ZNRF1: variants seen among roughly 807,000 people sequenced by gnomAD.
ZNRF1 encodes zinc and ring finger 1, also known as E3 ubiquitin-protein ligase ZNRF1.
In ZNRF1, 3 loss-of-function variants were observed where a neutral mutation model predicts 18.4. That is an observed-to-expected ratio of 0.16 (90% CI 0.07 to 0.42). The LOEUF (loss-of-function observed/expected upper bound fraction) is 0.42, where lower values mean the gene tolerates loss of function less well. ZNRF1 is among the 10% of genes least tolerant of loss of function. ZNRF1 has a pLI of 0.99. For synonymous variants in ZNRF1, 157 were observed against 144.2 expected (o/e 1.09, Z -0.64); for missense variants, 310 against 329.8 (o/e 0.94, Z 0.47).
intron 1 of ZNRF1, among the ~76,000 whole-genome samples, chr16:75,050,527 ACAAT>A (rs1000460630): frequency 4.2e-4 from 63 of 151,444 alleles, no homozygotes; most frequent in African/African-American, 1.3e-3. Context: ...CCTTGTCTCA[ACAAT>A]CAATCAATCG....
At chr16:75,056,191 T>A (rs1472953632) in intron 1 of ZNRF1, among the ~76,000 whole-genome samples, 1 of 152,226 alleles carries the variant, frequency 6.6e-6, no homozygotes, top group Non-Finnish European at 1.5e-5. Context: ...AATTGGAATC[T>A]TCTTCTTAAG....
At chr16:75,106,814 G>C (rs972652672) in intron 4 of ZNRF1, 1 of 455,680 alleles carries the variant, frequency 2.2e-6, no homozygotes, top group Admixed American at 3.3e-5. Context: ...ATCAGTTGGG[G>C]AAGAGACCAG....
intron 1 of ZNRF1, among the ~76,000 whole-genome samples, chr16:75,022,361 A>G (rs914748702): frequency 4.6e-5 from 7 of 151,896 alleles, no homozygotes; most frequent in African/African-American, 1.5e-4. Context: ...CAGGAGATCG[A>G]GACCATCCTG....
At chr16:75,091,241 C>T (rs2036135293) in intron 1 of ZNRF1, among the ~76,000 whole-genome samples, 1 of 151,974 alleles carries the variant, frequency 6.6e-6, no homozygotes, top group Non-Finnish European at 1.5e-5. Flanking sequence ...CACCTGTAAT[C>T]CCAGCTACTC....
intron 1 of ZNRF1, among the ~76,000 whole-genome samples, chr16:75,085,532 T>C (rs1212233033): frequency 6.6e-6 from 1 of 152,224 alleles, no homozygotes; most frequent in Non-Finnish European, 1.5e-5. Context: ...TTGACATTTC[T>C]TTTGGGTAAA....
At chr16:75,014,078 G>A (rs555682337) in intron 1 of ZNRF1, among the ~76,000 whole-genome samples, 1 of 152,058 alleles carries the variant, frequency 6.6e-6, no homozygotes, top group Non-Finnish European at 1.5e-5. Flanking sequence ...TGATCCACCC[G>A]CCTTATCTTC....
At chr16:75,003,359 T>C (rs4888329) in intron 1 of ZNRF1, among the ~76,000 whole-genome samples, 9,083 of 152,328 alleles carry the variant, frequency 0.06, 481 homozygotes, top group Admixed American at 0.12. Flanking sequence ...AGCAGGACTG[T>C]GTTCCTTGAT....
Position 75,068,681 on chromosome 16 carries a change from G to C in ZNRF1, c.425-24891G>C, listed in dbSNP as rs542383509. ...ACCAGCTGCTGCAGTGGATGAGCAG[G>C]GCTGGGGCTGGCCCTGGGGTCTAGC... is the stretch of plus-strand genomic sequence containing the variant. On this transcript the variant is annotated intron_variant, in intron 1 of 4. Transcript: ENST00000335325. 3.5e-4 allele frequency among the ~76,000 whole-genome samples: 53 copies of C among 152,072 alleles called. No homozygotes were observed. The South Asian group carries it at 0.01, about 30-fold the overall frequency.
chr16:75,017,706 A>G (rs1597860101), intron 1 of ZNRF1, among the ~76,000 whole-genome samples: 1 of 152,182 alleles, frequency 6.6e-6, no homozygotes, highest in Non-Finnish European at 1.5e-5. Context: ...AAATAAATCC[A>G]CTGCCACTCT....
intron 1 of ZNRF1, among the ~76,000 whole-genome samples, chr16:75,055,072 G>A (rs761239977): frequency 4.6e-5 from 7 of 152,186 alleles, no homozygotes; most frequent in Admixed American, 6.5e-5. Context: ...GTGGGCAGGC[G>A]TTCGTTTGTA....
intron 1 of ZNRF1, among the ~76,000 whole-genome samples, chr16:75,080,950 G>A (rs1296588307): frequency 6.6e-6 from 1 of 152,120 alleles, no homozygotes; most frequent in Non-Finnish European, 1.5e-5. Flanking sequence ...AAGGTGGGCG[G>A]ATCACCAGGT....
chr16:75,093,784 G>GC, intron 2 of ZNRF1, 117 bp downstream of exon 2: 1 of 733,544 alleles, frequency 1.4e-6, no homozygotes, highest in Non-Finnish European at 2.4e-6. Flanking sequence ...CTGCCCTCTG[G>GC]CAGGTGTGCC....
At chr16:75,079,499 T>G (rs925138334) in intron 1 of ZNRF1, among the ~76,000 whole-genome samples, 1 of 151,464 alleles carries the variant, frequency 6.6e-6, no homozygotes, top group Non-Finnish European at 1.5e-5. Context: ...ACAAGAAACC[T>G]CCTTTTGACC....
chr16:75,029,833 G>C (rs1165232908), intron 1 of ZNRF1, among the ~76,000 whole-genome samples: 1 of 147,092 alleles, frequency 6.8e-6, no homozygotes, highest in Admixed American at 6.7e-5. Flanking sequence ...TCAGGAGTTC[G>C]AGACCAGCCT....
chr16:75,063,897 G>C (rs919745590), intron 1 of ZNRF1, among the ~76,000 whole-genome samples: 1 of 152,224 alleles, frequency 6.6e-6, no homozygotes, highest in Non-Finnish European at 1.5e-5. Flanking sequence ...CCCCCCTCAT[G>C]CTAGGTGGCA....
intron 1 of ZNRF1, among the ~76,000 whole-genome samples, chr16:75,043,762 A>G (rs916716553): frequency 2.1e-5 from 3 of 139,588 alleles, no homozygotes; most frequent in African/African-American, 7.9e-5. Context: ...CCTGTTGCAT[A>G]TCAGGAGCCA....
chr16:75,087,611 G>A (rs1164252406), intron 1 of ZNRF1, among the ~76,000 whole-genome samples: 3 of 152,192 alleles, frequency 2.0e-5, no homozygotes, highest in African/African-American at 4.8e-5. Flanking sequence ...CATTTGCTTG[G>A]CAGAACCCAC....
At chr16:75,053,181 G>A (rs2035627125) in intron 1 of ZNRF1, among the ~76,000 whole-genome samples, 1 of 152,194 alleles carries the variant, frequency 6.6e-6, no homozygotes, top group African/African-American at 2.4e-5. Flanking sequence ...GTTCAGGTGG[G>A]TGGCTAGAAC....
At chr16:75,104,199 C>T (rs1304711648) in intron 2 of ZNRF1, 1 of 152,304 alleles carries the variant, frequency 6.6e-6, no homozygotes, top group Non-Finnish European at 1.5e-5. Flanking sequence ...GGTGGTTCTT[C>T]CTTTTCTTGG....
Sources: allele counts gnomAD v4.1 joint callset (sites outside exome capture counted in the v4.1 genomes callset), GRCh38; gene constraint gnomAD v4.1.1; transcripts MANE v1.5; gene names NCBI Gene and HGNC (gene_info 2026-07-23, HGNC 2026-07-21).